The following SNTG1 variants were observed in gnomAD, a reference collection of about 807,000 sequenced individuals.
SNTG1 encodes the protein syntrophin gamma 1, also known as gamma-1-syntrophin.
A neutral mutation model predicts 74.7 loss-of-function variants in SNTG1; 39 were observed. The observed-to-expected ratio is 0.52, with a 90% CI of 0.40 to 0.68. SNTG1 has a LOEUF of 0.68. SNTG1 is among the 30% of genes least tolerant of loss of function. SNTG1 has a pLI of 0.00. For missense variants in SNTG1, 685 were observed against 609.5 expected (o/e 1.12, Z -1.30); for synonymous variants, 254 against 217.1 (o/e 1.17, Z -1.49).
intron 18 of SNTG1, among the ~76,000 whole-genome samples, chr8:50,760,290 C>T (rs1458977462): frequency 1.3e-5 from 2 of 152,060 alleles, no homozygotes; most frequent in Admixed American, 1.3e-4. Context: ...CATCTGCAAA[C>T]AGAAATATTT....
chr8:50,748,562 T>C (rs1475543169), intron 17 of SNTG1, among the ~76,000 whole-genome samples: 1 of 152,052 alleles, frequency 6.6e-6, no homozygotes, highest in East Asian at 1.9e-4. Context: ...TGCTTTATTG[T>C]CCTTCACATA....
intron 2 of SNTG1, among the ~76,000 whole-genome samples, chr8:50,187,335 C>T (rs1028928855): frequency 3.3e-5 from 5 of 152,022 alleles, no homozygotes; most frequent in African/African-American, 1.2e-4. Context: ...ACCAATGGAA[C>T]AGAACAGAGA....
At chr8:50,362,139 T>G (rs754680211) in intron 2 of SNTG1, among the ~76,000 whole-genome samples, 2 of 152,156 alleles carry the variant, frequency 1.3e-5, no homozygotes, top group Non-Finnish European at 2.9e-5. Flanking sequence ...ACCTCAGGAC[T>G]ATGGATTTTG....
chr8:50,173,037 G>A (rs2082866650), intron 2 of SNTG1, among the ~76,000 whole-genome samples: 1 of 147,704 alleles, frequency 6.8e-6, no homozygotes, highest in South Asian at 2.2e-4. Context: ...ACACATTTCA[G>A]TGAGCTGCGA....
chr8:50,052,551 A>G lies in SNTG1; in HGVS notation c.-102-120010A>G, dbSNP rs372229296. Among the ~76,000 whole-genome samples the G allele has an allele frequency of 8.5e-4, 130 of 152,282 alleles. 2 individuals are homozygous for G. The highest frequency in any genetic ancestry group is 3.0e-3 in the African/African-American group (124 of 41,578). ...TGGCTATGCCAACAAAATCACAAGG[A>G]AAAAATTTAAAAGTAGATAAGTTGG... is the stretch of plus-strand genomic sequence containing the variant. On this transcript the variant is annotated intron_variant, in intron 1 of 18. Transcript: ENST00000642720.
chr8:50,356,176 G>A (rs2091811524), intron 2 of SNTG1, among the ~76,000 whole-genome samples: 1 of 152,002 alleles, frequency 6.6e-6, no homozygotes, highest in African/African-American at 2.4e-5. Context: ...TCTATAGAGG[G>A]ATAGAAGTCA....
chr8:50,404,557 TCAG>T (rs2092846705), intron 4 of SNTG1, among the ~76,000 whole-genome samples: 1 of 152,034 alleles, frequency 6.6e-6, no homozygotes, highest in Non-Finnish European at 1.5e-5. Flanking sequence ...TGTAATAAAT[TCAG>T]GCATAGCAAT....
intron 2 of SNTG1, among the ~76,000 whole-genome samples, chr8:50,212,708 A>G (rs1005445334): frequency 2.6e-5 from 4 of 152,184 alleles, no homozygotes; most frequent in Non-Finnish European, 4.4e-5. Flanking sequence ...CCATGTCTAT[A>G]TATACTCTGT....
chr8:49,998,158 G>A (rs151267472), intron 1 of SNTG1, among the ~76,000 whole-genome samples: 166 of 152,204 alleles, frequency 1.1e-3, no homozygotes, highest in Middle Eastern at 6.8e-3. Flanking sequence ...CATAACATAG[G>A]TAAAGTACAG....
intron 2 of SNTG1, among the ~76,000 whole-genome samples, chr8:50,350,913 A>C (rs563946898): frequency 6.6e-6 from 1 of 152,282 alleles, no homozygotes; most frequent in South Asian, 2.1e-4. Flanking sequence ...GGCCGCCCAA[A>C]CCAGCAGTGG....
intron 12 of SNTG1, among the ~76,000 whole-genome samples, chr8:50,570,226 T>TTTTTTTTTTATTTTA (rs1292746908): frequency 2.1e-5 from 1 of 46,808 alleles, no homozygotes; most frequent in African/African-American, 5.0e-5. Flanking sequence ...GGTGGTTCTA[T>TTTTTTTTTTATTTTA]TTTTATTTTA....
chr8:50,724,410 C>A (rs1474711543), intron 17 of SNTG1, among the ~76,000 whole-genome samples: 1 of 152,108 alleles, frequency 6.6e-6, no homozygotes, highest in South Asian at 2.1e-4. Flanking sequence ...TGTGGCCATG[C>A]AATTTGCTGC....
intron 1 of SNTG1, among the ~76,000 whole-genome samples, chr8:49,936,448 C>A (rs1808088979): frequency 6.6e-6 from 1 of 152,056 alleles, no homozygotes; most frequent in Non-Finnish European, 1.5e-5. Context: ...AAGTATCACT[C>A]ACGTTTGGTA....
At chr8:50,034,805 C>T (rs1818009274) in intron 1 of SNTG1, among the ~76,000 whole-genome samples, 1 of 152,166 alleles carries the variant, frequency 6.6e-6, no homozygotes, top group Admixed American at 6.5e-5. Context: ...TCCTGGGCCA[C>T]ATGCAGCCTG....
chr8:50,156,785 T>A (rs183465362), intron 1 of SNTG1, among the ~76,000 whole-genome samples: 1 of 152,206 alleles, frequency 6.6e-6, no homozygotes, highest in Admixed American at 6.5e-5. Flanking sequence ...CTGACATCAT[T>A]ATTAATCAAG....
chr8:50,463,635 CAT>C (rs1434311040), intron 8 of SNTG1, among the ~76,000 whole-genome samples: 31 of 152,158 alleles, frequency 2.0e-4, no homozygotes, highest in African/African-American at 7.0e-4. Flanking sequence ...GATGTCCTGT[CAT>C]CTAGGCTTTG....
intron 18 of SNTG1, among the ~76,000 whole-genome samples, chr8:50,773,447 A>T (rs966259349): frequency 6.6e-6 from 1 of 152,170 alleles, no homozygotes; most frequent in African/African-American, 2.4e-5. Context: ...TTTCCAGAGG[A>T]TTAAAGAAGT....
intron 9 of SNTG1, among the ~76,000 whole-genome samples, chr8:50,522,789 G>C (rs968732947): frequency 6.6e-6 from 1 of 152,102 alleles, no homozygotes; most frequent in African/African-American, 2.4e-5. Context: ...ATGTTGGCCA[G>C]GATGGCCTTG....
chr8:49,930,467 G>A (rs1029415611), intron 1 of SNTG1, among the ~76,000 whole-genome samples: 4 of 133,740 alleles, frequency 3.0e-5, no homozygotes, highest in Non-Finnish European at 6.5e-5. Flanking sequence ...AAATAAAAGA[G>A]GACTTTCTTA....
Sources: gnomAD v4.1 joint callset for allele counts (sites outside exome capture counted in the v4.1 genomes callset) on GRCh38, gnomAD v4.1.1 for gene constraint, MANE v1.5 for transcripts, NCBI Gene and HGNC (gene_info 2026-07-23, HGNC 2026-07-21) for gene names.